Variants in EFCAB11 observed in about 807,000 individuals in gnomAD.
EFCAB11 encodes the protein EF-hand calcium binding domain 11, also known as EF-hand calcium-binding domain-containing protein 11.
Under a neutral mutation model 23.0 loss-of-function variants are expected in EFCAB11, and 14 were observed. The observed-to-expected ratio is 0.61, with a 90% CI of 0.40 to 0.95. The LOEUF is 0.95. Ranked by LOEUF, EFCAB11 falls within the 40% of genes least tolerant of loss-of-function variation. The pLI, the probability that EFCAB11 is intolerant of heterozygous loss-of-function variation, is 0.00. For synonymous variants in EFCAB11, 65 were observed against 66.6 expected (o/e 0.98, Z 0.11); for missense variants, 198 against 195.8 (o/e 1.01, Z -0.07).
chr14:89,845,740 G>A (rs1490840079), intron 5 of EFCAB11, among the ~76,000 whole-genome samples: 1 of 152,156 alleles, frequency 6.6e-6, no homozygotes, highest in Non-Finnish European at 1.5e-5. Context: ...ATGCCCAAAG[G>A]ACACTGTGAT....
intron 5 of EFCAB11, among the ~76,000 whole-genome samples, chr14:89,921,310 G>A (rs774101375): frequency 1.3e-4 from 20 of 152,126 alleles, no homozygotes; most frequent in Non-Finnish European, 7.3e-5. Context: ...CTGTCTATAT[G>A]GCCTTGTATG....
intron 3 of EFCAB11, among the ~76,000 whole-genome samples, chr14:89,946,319 C>T (rs779475176): frequency 7.2e-5 from 11 of 152,092 alleles, no homozygotes; most frequent in Non-Finnish European, 1.3e-4. Context: ...CTCACTTTGG[C>T]ATACTTTTGG....
chr14:89,927,869 C>A (rs1890244613), intron 5 of EFCAB11, among the ~76,000 whole-genome samples: 1 of 151,986 alleles, frequency 6.6e-6, no homozygotes, highest in Admixed American at 6.6e-5. Context: ...TTACAGGCGC[C>A]CACCACCACG....
At position 89,815,147 on chromosome 14, in the gene EFCAB11, C is replaced by T. The variant is rs561401507; in HGVS notation, c.411-17823G>A. ...CGTGAAGATCTGTCCCTGGAATATGCGGCAATTATGACATCACAATGAACA... is the reference window on the plus strand; with the variant it reads ...CGTGAAGATCTGTCCCTGGAATATGTGGCAATTATGACATCACAATGAACA... On this transcript the variant is annotated intron_variant, in intron 5 of 5. Coordinates refer to ENST00000316738, the MANE Select transcript of EFCAB11 (RefSeq NM_145231.4). Among the ~76,000 whole-genome samples the T allele has an allele frequency of 5.3e-5, 8 of 152,188 alleles. No individual in the cohort carries two copies. In the South Asian group the frequency reaches 6.2e-4, roughly 12 times the overall value.
chr14:89,855,315 A>G (rs1887720148), intron 5 of EFCAB11, among the ~76,000 whole-genome samples: 1 of 152,000 alleles, frequency 6.6e-6, no homozygotes, highest in Non-Finnish European at 1.5e-5. Flanking sequence ...ATCTCTACAA[A>G]AAATACAAAA....
Position 89,796,287 on chromosome 14 carries a change from T to C in EFCAB11, c.*956A>G, listed in dbSNP as rs1885572542. On this transcript the variant is annotated 3_prime_UTR_variant, in exon 6 of 6. Transcript: ENST00000316738. ...ACTCAGGGACATTATCTTAGAGAAGTCTTTATATGTTTTTTTTTAATTGAA... is the reference window on the plus strand; with the variant it reads ...ACTCAGGGACATTATCTTAGAGAAGCCTTTATATGTTTTTTTTTAATTGAA... 6.6e-6 allele frequency: 1 copy of C among 152,120 alleles called. No homozygotes were observed. Among genetic ancestry groups the C allele is most frequent in the South Asian group, 2.1e-4 (1 of 4,822 alleles). The allele number at this position is 152,120 out of a possible 1,614,324, so 9.4% of individuals were successfully genotyped here.
intron 5 of EFCAB11, among the ~76,000 whole-genome samples, chr14:89,827,626 CTCTTT>C (rs1156999100): frequency 7.3e-6 from 1 of 137,640 alleles, no homozygotes; most frequent in Non-Finnish European, 1.6e-5. Context: ...ATTTTATTCA[CTCTTT>C]TTTTTTTTTT....
intron 5 of EFCAB11, among the ~76,000 whole-genome samples, chr14:89,835,585 C>CGT (rs67831579): frequency 0.12 from 10,808 of 93,264 alleles, 764 homozygotes; most frequent in Non-Finnish European, 0.14. Context: ...GGATGCTCAA[C>CGT]GTGTGTGTGT....
chr14:89,849,424 C>T (rs1205434795), intron 5 of EFCAB11, among the ~76,000 whole-genome samples: 3 of 152,132 alleles, frequency 2.0e-5, no homozygotes, highest in Admixed American at 1.3e-4. Context: ...GTTTTCAAAA[C>T]GTAGATGGTG....
chr14:89,954,649 G>T lies in EFCAB11; in HGVS notation c.12C>A (p.Ser4=). The T allele has an allele frequency of 6.2e-7, 1 of 1,612,400 alleles. No homozygotes were observed. Residue 4 remains serine, a synonymous_variant, in exon 1 of 6, where the codon TCC becomes TCA. Coordinates refer to ENST00000316738, the MANE Select transcript of EFCAB11 (RefSeq NM_145231.4). MFF[S]EARARSRTWE... is the part of the protein sequence containing the mutation. ...ACGTCCGCGACCTGGCTCTGGCCTCGGAGAAGAACATCGCGACTACAACAA... is the reference window on the plus strand; with the variant it reads ...ACGTCCGCGACCTGGCTCTGGCCTCTGAGAAGAACATCGCGACTACAACAA...
intron 5 of EFCAB11, among the ~76,000 whole-genome samples, chr14:89,810,425 A>G: frequency 6.6e-6 from 1 of 152,162 alleles, no homozygotes; most frequent in African/African-American, 2.4e-5. Context: ...ATTTTATCAA[A>G]TGGACTTATA....
chr14:89,874,823 C>G (rs1476234417), intron 5 of EFCAB11, among the ~76,000 whole-genome samples: 1 of 151,680 alleles, frequency 6.6e-6, no homozygotes, highest in Non-Finnish European at 1.5e-5. Context: ...ATCTGGGAAG[C>G]GGAGCTTGCA....
chr14:89,889,185 C>CT (rs1350792882), intron 5 of EFCAB11, among the ~76,000 whole-genome samples: 2 of 152,072 alleles, frequency 1.3e-5, no homozygotes, highest in Non-Finnish European at 2.9e-5. Context: ...CAATTTCTTC[C>CT]TTTTTTTGAC....
At chr14:89,880,825 G>A (rs1053331618) in intron 5 of EFCAB11, among the ~76,000 whole-genome samples, 5 of 152,032 alleles carry the variant, frequency 3.3e-5, no homozygotes, top group African/African-American at 1.2e-4. Flanking sequence ...ACAGCACAGT[G>A]GTTAAAAATA....
chr14:89,953,581 C>T (rs1459176944), intron 2 of EFCAB11, among the ~76,000 whole-genome samples: 1 of 152,168 alleles, frequency 6.6e-6, no homozygotes, highest in Non-Finnish European at 1.5e-5. Flanking sequence ...GAGAAAGAGA[C>T]TATGTCATGT....
intron 5 of EFCAB11, among the ~76,000 whole-genome samples, chr14:89,842,125 A>C (rs1031672304): frequency 2.0e-5 from 3 of 152,064 alleles, no homozygotes; most frequent in African/African-American, 7.2e-5. Flanking sequence ...CCATTTACCT[A>C]GTTCTGTAAA....
intron 5 of EFCAB11, among the ~76,000 whole-genome samples, chr14:89,832,235 T>C (rs910956142): frequency 2.0e-5 from 3 of 152,044 alleles, no homozygotes; most frequent in East Asian, 1.9e-4. Context: ...ATCACTTGAA[T>C]CCGGGAGGCA....
At chr14:89,928,200 A>G (rs1385848912) in intron 5 of EFCAB11, among the ~76,000 whole-genome samples, 2 of 152,186 alleles carry the variant, frequency 1.3e-5, no homozygotes, top group Non-Finnish European at 2.9e-5. Flanking sequence ...CATATACTCC[A>G]CAACATGAAT....
intron 5 of EFCAB11, among the ~76,000 whole-genome samples, chr14:89,811,354 C>T (rs1336711834): frequency 1.3e-5 from 2 of 152,036 alleles, no homozygotes; most frequent in Admixed American, 1.3e-4. Flanking sequence ...AAGAAGGGGG[C>T]CGATGTGCTT....
Sources: gnomAD v4.1 joint callset for allele counts (sites outside exome capture counted in the v4.1 genomes callset) on GRCh38, gnomAD v4.1.1 for gene constraint, MANE v1.5 for transcripts, NCBI Gene and HGNC (gene_info 2026-07-23, HGNC 2026-07-21) for gene names.